GHR: variants seen among roughly 807,000 people sequenced by gnomAD.
GHR encodes the protein GH receptor.
GHR carries 35 observed loss-of-function variants against 67.1 expected under a neutral mutation model. The observed-to-expected ratio is 0.52, with a 90% CI of 0.40 to 0.69. GHR has a LOEUF of 0.69. GHR is among the 30% of genes least tolerant of loss of function. The pLI, the probability that GHR is intolerant of heterozygous loss-of-function variation, is 0.00. For synonymous variants in GHR, 272 were observed against 269.1 expected (o/e 1.01, Z -0.10); for missense variants, 792 against 764.6 (o/e 1.04, Z -0.42).
At chr5:42,546,778 G>A (rs188106543) in intron 1 of GHR, among the ~76,000 whole-genome samples, 1 of 152,250 alleles carries the variant, frequency 6.6e-6, no homozygotes, top group Non-Finnish European at 1.5e-5. Flanking sequence ...GAGAGAATTT[G>A]TCTGAGTGTT....
intron 2 of GHR, among the ~76,000 whole-genome samples, chr5:42,575,052 T>TTG (rs35590676): frequency 0.36 from 54,775 of 151,864 alleles, 11,706 homozygotes; most frequent in African/African-American, 0.6. Context: ...CTCTGGTACT[T>TTG]ATCCTATTCT....
At chr5:42,509,027 T>C (rs532919154) in intron 1 of GHR, among the ~76,000 whole-genome samples, 3 of 152,346 alleles carry the variant, frequency 2.0e-5, no homozygotes, top group South Asian at 2.1e-4. Flanking sequence ...CTGTACTGGT[T>C]ACCTTTCCTT....
chr5:42,462,938 A>T (rs961035712), intron 1 of GHR, among the ~76,000 whole-genome samples: 5 of 151,008 alleles, frequency 3.3e-5, no homozygotes, highest in Non-Finnish European at 5.9e-5. Flanking sequence ...TTTGAAAAAT[A>T]AAAAAAAACA....
chr5:42,675,549 T>C (rs986205820), intron 3 of GHR, among the ~76,000 whole-genome samples: 1 of 152,108 alleles, frequency 6.6e-6, no homozygotes, highest in Non-Finnish European at 1.5e-5. Flanking sequence ...ACCAAGTAAA[T>C]CTTGTGAAAG....
Position 42,632,474 on chromosome 5 carries a change from T to G in GHR, c.136+3371T>G, listed in dbSNP as rs145667390. ...CACAACCTAAAGAATCACCTCTTGC[T>G]GTAACCTCTTTCTTCTCTTGCTCAC... On this transcript the variant is annotated intron_variant, in intron 3 of 9. Coordinates refer to ENST00000230882, the MANE Select transcript of GHR (RefSeq NM_000163.5). Among the ~76,000 whole-genome samples the G allele has an allele frequency of 2.8e-3, 419 of 152,338 alleles. 3 individuals are homozygous for G. The highest frequency in any genetic ancestry group is 6.8e-3 in the South Asian group (33 of 4,824).
intron 1 of GHR, chr5:42,515,039 A>C (rs1747179334): frequency 6.6e-6 from 1 of 152,218 alleles, no homozygotes. Flanking sequence ...ACTATAAAGC[A>C]TGATGCAGGC....
rs1303696129 is a variant in GHR at position 42,517,035 on chromosome 5, GTGTT to G, written c.-11-48824_-11-48821del. On this transcript the variant is annotated intron_variant, in intron 1 of 9. Transcript: ENST00000230882. ...CATCTTTTTCAGTCTGCCTGCCCTG[GTGTT>G]TGTTATAACACTTAGTTTGGCATGT... 2.0e-5 allele frequency among the ~76,000 whole-genome samples: 3 copies of G among 152,240 alleles called. No homozygotes were observed. The East Asian group carries it at 5.8e-4, about 29-fold the overall frequency.
chr5:42,594,438 C>G (rs541633200), intron 2 of GHR, among the ~76,000 whole-genome samples: 2 of 152,282 alleles, frequency 1.3e-5, no homozygotes, highest in East Asian at 3.9e-4. Flanking sequence ...CTTCCTATCA[C>G]TTCTTGGAGC....
chr5:42,450,922 T>C (rs1397941535), intron 1 of GHR, among the ~76,000 whole-genome samples: 2 of 152,350 alleles, frequency 1.3e-5, no homozygotes, highest in East Asian at 3.9e-4. Flanking sequence ...TTAATGTCCA[T>C]GTATTTCTAT....
At chr5:42,502,891 C>T in intron 1 of GHR, among the ~76,000 whole-genome samples, 1 of 149,908 alleles carries the variant, frequency 6.7e-6, no homozygotes, top group Non-Finnish European at 1.5e-5. Context: ...TATGTTTTCT[C>T]CATGTGGCTA....
chr5:42,538,090 G>A (rs115195164), intron 1 of GHR, among the ~76,000 whole-genome samples: 138 of 152,238 alleles, frequency 9.1e-4, no homozygotes, highest in African/African-American at 3.1e-3. Context: ...CAGATACTTG[G>A]TTGGTGAGTT....
chr5:42,697,649 T>C (rs1430490579), intron 5 of GHR, among the ~76,000 whole-genome samples: 1 of 152,160 alleles, frequency 6.6e-6, no homozygotes, highest in African/African-American at 2.4e-5. Context: ...GCGAGGAGAC[T>C]GGTATGAGAC....
At chr5:42,445,468 T>C (rs1474590613) in intron 1 of GHR, among the ~76,000 whole-genome samples, 1 of 152,224 alleles carries the variant, frequency 6.6e-6, no homozygotes, top group African/African-American at 2.4e-5. Flanking sequence ...TGTAGCCAGC[T>C]TTATACTCTA....
At chr5:42,611,911 C>T (rs1453061443) in intron 2 of GHR, among the ~76,000 whole-genome samples, 1 of 152,112 alleles carries the variant, frequency 6.6e-6, no homozygotes, top group Non-Finnish European at 1.5e-5. Context: ...TTTTATATCA[C>T]AGAAAGTGTT....
chr5:42,458,794 A>T (rs750845349), intron 1 of GHR, among the ~76,000 whole-genome samples: 2 of 152,208 alleles, frequency 1.3e-5, no homozygotes, highest in African/African-American at 4.8e-5. Context: ...ATCAACAAGC[A>T]AAAAACAACC....
chr5:42,509,701 T>A (rs1196543727), intron 1 of GHR, among the ~76,000 whole-genome samples: 1 of 152,002 alleles, frequency 6.6e-6, no homozygotes, highest in Non-Finnish European at 1.5e-5. Context: ...TCTATTAGAA[T>A]GACTTAGGAA....
At chr5:42,677,629 C>G (rs1580181427) in intron 3 of GHR, among the ~76,000 whole-genome samples, 1 of 152,148 alleles carries the variant, frequency 6.6e-6, no homozygotes, top group Non-Finnish European at 1.5e-5. Context: ...ACCTCTCAAC[C>G]CGCAACCAAC....
chr5:42,477,807 C>G (rs1449409939), intron 1 of GHR, among the ~76,000 whole-genome samples: 1 of 152,142 alleles, frequency 6.6e-6, no homozygotes, highest in Non-Finnish European at 1.5e-5. Flanking sequence ...GAGTACATTG[C>G]AAAAATTTTC....
intron 1 of GHR, among the ~76,000 whole-genome samples, chr5:42,547,307 C>T (rs1298417243): frequency 6.6e-6 from 1 of 152,146 alleles, no homozygotes. Flanking sequence ...GAACGGTCTT[C>T]TTGTGTTAAT....
Sources: gnomAD v4.1 joint callset for allele counts (sites outside exome capture counted in the v4.1 genomes callset) on GRCh38, gnomAD v4.1.1 for gene constraint, MANE v1.5 for transcripts, NCBI Gene and HGNC (gene_info 2026-07-23, HGNC 2026-07-21) for gene names.